The following ARPC3 variants were observed in gnomAD, a reference collection of about 807,000 sequenced individuals.
ARPC3 encodes actin related protein 2/3 complex subunit 3.
A neutral mutation model predicts 27.6 loss-of-function variants in ARPC3; 12 were observed. The observed-to-expected ratio is 0.43, with a 90% CI of 0.28 to 0.70. ARPC3 has a LOEUF of 0.70. ARPC3 is among the 30% of genes least tolerant of loss of function. The probability of loss-of-function intolerance (pLI) is 0.17; values close to 1 mark genes in which losing one functional copy is unlikely to be tolerated. For synonymous variants in ARPC3, 53 were observed against 67.2 expected (o/e 0.79, Z 1.03); for missense variants, 153 against 207.7 (o/e 0.74, Z 1.62).
chr12:110,437,977 GT>G (rs1382593896), intron 3 of ARPC3, among the ~76,000 whole-genome samples: 1 of 152,130 alleles, frequency 6.6e-6, no homozygotes, highest in Non-Finnish European at 1.5e-5. Flanking sequence ...TTGATCAAAT[GT>G]GGTATGGACT....
chr12:110,437,492 C>G (rs1480380975), intron 3 of ARPC3, among the ~76,000 whole-genome samples: 1 of 152,034 alleles, frequency 6.6e-6, no homozygotes, highest in African/African-American at 2.4e-5. Context: ...CTCAGCCTCC[C>G]GAGTAGCTGG....
intron 5 of ARPC3, 57 bp downstream of exon 5, chr12:110,436,500 A>G (rs2062404366): frequency 6.2e-7 from 1 of 1,607,632 alleles, no homozygotes; most frequent in Admixed American, 1.7e-5. Flanking sequence ...GGTGGTAGGA[A>G]GTCAAATGGA....
chr12:110,449,181 T>C (rs1212454754), intron 1 of ARPC3, among the ~76,000 whole-genome samples: 5 of 152,210 alleles, frequency 3.3e-5, no homozygotes, highest in Non-Finnish European at 7.3e-5. Context: ...GAATGTACAT[T>C]CTTTAAGATT....
chr12:110,445,566 C>T lies in ARPC3; in HGVS notation c.7-15G>A. On this transcript the variant is annotated splice_polypyrimidine_tract_variant and intron_variant, in intron 1 of 6. Coordinates refer to ENST00000228825, the MANE Select transcript of ARPC3 (RefSeq NM_001278556.2). ...GAGTGGTAAGCCTGTAATGGCAAGC[C>T]CAGGAAGAACACAGAAGCAGAAAAA... 6.4e-7 allele frequency: 1 copy of T among 1,558,370 alleles called. No homozygotes were observed. Among genetic ancestry groups the T allele is most frequent in the Non-Finnish European group, 8.9e-7 (1 of 1,129,638 alleles).
intron 1 of ARPC3, among the ~76,000 whole-genome samples, chr12:110,445,934 T>C (rs2062461859): frequency 6.6e-6 from 1 of 151,614 alleles, no homozygotes; most frequent in Non-Finnish European, 1.5e-5. Context: ...TGAAACCCCA[T>C]CTCTACTAAA....
rs2062492708 is a variant in ARPC3, at chr12:110,450,089, G to A, written c.6+166C>T. ...CCGCCTCCCACGACTGGCACCCCCGGGCCGCCCCAATCCTTCAGCAACCGG... is the reference window on the plus strand; with the variant it reads ...CCGCCTCCCACGACTGGCACCCCCGAGCCGCCCCAATCCTTCAGCAACCGG... On this transcript the variant is annotated intron_variant, in intron 1 of 6. Coordinates refer to ENST00000228825, the MANE Select transcript of ARPC3 (RefSeq NM_001278556.2). Among the ~76,000 whole-genome samples the A allele has an allele frequency of 2.6e-5, 4 of 152,034 alleles. 1 individual carries two copies. The highest frequency in any genetic ancestry group is 2.6e-4 in the Admixed American group (4 of 15,274).
At chr12:110,442,014 A>G (rs1252595441) in intron 2 of ARPC3, among the ~76,000 whole-genome samples, 1 of 150,166 alleles carries the variant, frequency 6.7e-6, no homozygotes, top group Non-Finnish European at 1.5e-5. Flanking sequence ...CTGGGCAACG[A>G]GATCAAAACT....
intron 2 of ARPC3, among the ~76,000 whole-genome samples, chr12:110,444,528 A>G (rs1469115687): frequency 1.3e-5 from 2 of 152,066 alleles, no homozygotes; most frequent in African/African-American, 4.8e-5. Flanking sequence ...TAAGTGATCC[A>G]CTTGCCTTGG....
intron 2 of ARPC3, 88 bp from the exon 3 acceptor site, chr12:110,440,476 A>G: frequency 1.2e-6 from 1 of 831,882 alleles, no homozygotes; most frequent in Non-Finnish European, 2.1e-6. Context: ...GAAAACACAT[A>G]CAACTGTCAA....
intron 5 of ARPC3, 50 bp from the exon 6 acceptor site, chr12:110,436,254 T>C (rs982375073): frequency 1.4e-5 from 20 of 1,436,112 alleles, no homozygotes; most frequent in South Asian, 8.0e-5. Context: ...ACATCCCAAA[T>C]GTACTGGTTG....
chr12:110,447,768 T>C (rs551159416), intron 1 of ARPC3, among the ~76,000 whole-genome samples: 1 of 151,122 alleles, frequency 6.6e-6, no homozygotes, highest in Non-Finnish European at 1.5e-5. Flanking sequence ...CAAGACTCTG[T>C]CTCAAAAACA....
intron 3 of ARPC3, among the ~76,000 whole-genome samples, chr12:110,438,071 G>A (rs371810352): frequency 6.6e-6 from 1 of 152,154 alleles, no homozygotes; most frequent in East Asian, 1.9e-4. Flanking sequence ...TGAGGTGGGT[G>A]GATTGCTTGA....
At chr12:110,437,852 G>C (rs2062414666) in intron 3 of ARPC3, among the ~76,000 whole-genome samples, 1 of 152,124 alleles carries the variant, frequency 6.6e-6, no homozygotes, top group Non-Finnish European at 1.5e-5. Flanking sequence ...AACAGAAATA[G>C]TCATTACTCT....
At chr12:110,440,043 T>A (rs1301985285) in intron 3 of ARPC3, among the ~76,000 whole-genome samples, 1 of 152,164 alleles carries the variant, frequency 6.6e-6, no homozygotes, top group East Asian at 1.9e-4. Flanking sequence ...CAAATGGTTG[T>A]GGCTGTGTTC....
intron 3 of ARPC3, among the ~76,000 whole-genome samples, chr12:110,439,750 T>C (rs1004523529): frequency 4.6e-5 from 7 of 152,182 alleles, no homozygotes; most frequent in African/African-American, 1.7e-4. Flanking sequence ...AGGAGGACTG[T>C]CTGAGCCCAG....
intron 1 of ARPC3, among the ~76,000 whole-genome samples, chr12:110,446,274 C>T (rs946248450): frequency 1.3e-5 from 2 of 151,086 alleles, no homozygotes; most frequent in Non-Finnish European, 2.9e-5. Context: ...CAGGTGTGAG[C>T]CACCACACCT....
At chr12:110,435,827 T>C (rs2062400680) in intron 6 of ARPC3, among the ~76,000 whole-genome samples, 1 of 151,938 alleles carries the variant, frequency 6.6e-6, no homozygotes, top group African/African-American at 2.4e-5. Context: ...GGTTTCACCA[T>C]GTTGGCCAGG....
chr12:110,441,035 G>A (rs1233703727), intron 2 of ARPC3, among the ~76,000 whole-genome samples: 1 of 148,416 alleles, frequency 6.7e-6, no homozygotes, highest in Non-Finnish European at 1.5e-5. Context: ...AGTAAAGACG[G>A]GGTTTCACCG....
intron 2 of ARPC3, among the ~76,000 whole-genome samples, chr12:110,442,046 A>AC (rs1434633062): frequency 6.6e-6 from 1 of 151,382 alleles, no homozygotes; most frequent in Non-Finnish European, 1.5e-5. Context: ...AAAAAAAAAA[A>AC]AGTTTTTTTT....
Sources: gnomAD v4.1 joint callset for allele counts (sites outside exome capture counted in the v4.1 genomes callset) on GRCh38, gnomAD v4.1.1 for gene constraint, MANE v1.5 for transcripts, NCBI Gene and HGNC (gene_info 2026-07-23, HGNC 2026-07-21) for gene names.